CCDC73: variants seen among roughly 807,000 people sequenced by gnomAD.
CCDC73 encodes the protein coiled-coil domain containing 73.
CCDC73 carries 95 observed loss-of-function variants against 116.5 expected under a neutral mutation model. That is an observed-to-expected ratio of 0.82 (90% CI 0.69 to 0.97). The LOEUF is 0.97. Ranked by LOEUF, CCDC73 falls within the 50% of genes least tolerant of loss-of-function variation. The pLI, the probability that CCDC73 is intolerant of heterozygous loss-of-function variation, is 0.00. For synonymous variants in CCDC73, 398 were observed against 401.3 expected (o/e 0.99, Z 0.10); for missense variants, 1,066 against 1,206.8 (o/e 0.88, Z 1.73).
At chr11:32,658,957 A>G (rs1366232101) in intron 9 of CCDC73, among the ~76,000 whole-genome samples, 1 of 152,208 alleles carries the variant, frequency 6.6e-6, no homozygotes, top group Non-Finnish European at 1.5e-5. Context: ...CACTGATGGA[A>G]GAGACAAAAA....
chr11:32,609,614 G>C (rs1235379201), intron 17 of CCDC73, among the ~76,000 whole-genome samples: 1 of 152,012 alleles, frequency 6.6e-6, no homozygotes, highest in African/African-American at 2.4e-5. Flanking sequence ...CCACATTTTC[G>C]GGTATCTTTT....
rs531579536 is a variant in CCDC73 at position 32,675,517 on chromosome 11, TTTATA to T, written c.645+43_645+47del. 257 of 1,209,740 alleles carry T rather than the reference TTTATA, an allele frequency of 2.1e-4. No homozygotes were observed. In the East Asian group the frequency reaches 4.7e-3, roughly 22 times the overall value. 74.9% of individuals were successfully genotyped at this position (1,209,740 alleles called of 1,614,324 possible). On this transcript the variant is annotated intron_variant, in intron 9 of 17. Transcript: ENST00000335185. Reference sequence around the variant, plus strand: ...CTCTAGTAATAGCGCATAAGACTATTTTATATTATAATTTTTACTTAGTAGTGTGA... The same window carrying T: ...CTCTAGTAATAGCGCATAAGACTATTTTATAATTTTTACTTAGTAGTGTGA...
At chr11:32,696,663 T>C (rs2133309803) in intron 6 of CCDC73, among the ~76,000 whole-genome samples, 1 of 152,192 alleles carries the variant, frequency 6.6e-6, no homozygotes, top group East Asian at 1.9e-4. Flanking sequence ...CTTGAACTCC[T>C]GGGCTCAAGC....
chr11:32,776,799 C>CAT (rs887619859), intron 1 of CCDC73, among the ~76,000 whole-genome samples: 12 of 150,956 alleles, frequency 7.9e-5, no homozygotes, highest in Non-Finnish European at 1.2e-4. Context: ...AACTCCACAG[C>CAT]ATATATATAT....
At chr11:32,714,347 A>G (rs1849926000) in intron 3 of CCDC73, among the ~76,000 whole-genome samples, 1 of 152,072 alleles carries the variant, frequency 6.6e-6, no homozygotes, top group Admixed American at 6.6e-5. Flanking sequence ...TTCTCCCCTG[A>G]TTTTGGACAT....
chr11:32,608,852 T>G (rs745771072), intron 17 of CCDC73, among the ~76,000 whole-genome samples: 21 of 152,148 alleles, frequency 1.4e-4, no homozygotes, highest in Non-Finnish European at 2.8e-4. Context: ...CAACACCACA[T>G]GGAAGCTGCC....
At chr11:32,723,863 T>A (rs1850010202) in intron 2 of CCDC73, among the ~76,000 whole-genome samples, 1 of 152,114 alleles carries the variant, frequency 6.6e-6, no homozygotes, top group African/African-American at 2.4e-5. Flanking sequence ...TTTTTCTCAT[T>A]GACATTTAAT....
intron 2 of CCDC73, among the ~76,000 whole-genome samples, chr11:32,742,119 A>G (rs1327815858): frequency 6.6e-6 from 1 of 152,134 alleles, no homozygotes; most frequent in Non-Finnish European, 1.5e-5. Context: ...CAATAAACAT[A>G]CGTGTGCATG....
intron 1 of CCDC73, among the ~76,000 whole-genome samples, chr11:32,774,317 TAAGTCAGTCAC>T (rs1850514190): frequency 6.6e-6 from 1 of 152,216 alleles, no homozygotes; most frequent in Admixed American, 6.5e-5. Context: ...TCTGAACTTT[TAAGTCAGTCAC>T]AATGCTCCTC....
chr11:32,777,797 C>T (rs185091077), intron 1 of CCDC73, among the ~76,000 whole-genome samples: 244 of 152,124 alleles, frequency 1.6e-3, no homozygotes, highest in Middle Eastern at 0.014. Context: ...AAGAAGTTTG[C>T]TACATTTGTA....
At chr11:32,759,599 A>C (rs569602620) in intron 2 of CCDC73, among the ~76,000 whole-genome samples, 37 of 152,252 alleles carry the variant, frequency 2.4e-4, no homozygotes, top group Admixed American at 8.5e-4. Context: ...TTACAATTTT[A>C]TACTAGACAT....
Position 32,757,285 on chromosome 11 carries a change from T to G in CCDC73, c.135+2824A>C, listed in dbSNP as rs1407962164. On this transcript the variant is annotated intron_variant, in intron 2 of 17. Transcript: ENST00000335185. ...AATTAGAACAGGGGCTGCCTCTGGA[T>G]GAAAAGGGGTGAAGAATTTTATTCT... Among the ~76,000 whole-genome samples the G allele has an allele frequency of 1.3e-4, 19 of 151,968 alleles. 1 individual carries two copies. The highest frequency in any genetic ancestry group is 4.4e-5 in the Non-Finnish European group (3 of 67,992).
intron 13 of CCDC73, among the ~76,000 whole-genome samples, chr11:32,637,016 TC>T (rs372712298): frequency 0.04 from 3,668 of 91,408 alleles, 125 homozygotes; most frequent in Non-Finnish European, 0.06. Flanking sequence ...TTTTTCTTTT[TC>T]TTTTTTTTTT....
At chr11:32,753,163 TC>T (rs1365979121) in intron 2 of CCDC73, among the ~76,000 whole-genome samples, 1 of 152,178 alleles carries the variant, frequency 6.6e-6, no homozygotes, top group Admixed American at 6.5e-5. Flanking sequence ...GAGCTAAGAA[TC>T]TAGTCATCAT....
the CCDC73 span, among the ~76,000 whole-genome samples, chr11:32,807,796 G>A: frequency 1.3e-5 from 2 of 152,208 alleles, no homozygotes; most frequent in South Asian, 4.1e-4. Context: ...GTAGCCACAG[G>A]TACTATGTAA....
chr11:32,677,500 G>C (rs1372517732), intron 7 of CCDC73, among the ~76,000 whole-genome samples: 1 of 152,058 alleles, frequency 6.6e-6, no homozygotes, highest in Non-Finnish European at 1.5e-5. Flanking sequence ...ACTGATATGA[G>C]ACCTCTGTTG....
chr11:32,815,783 C>T, the CCDC73 span, among the ~76,000 whole-genome samples: 2 of 152,278 alleles, frequency 1.3e-5, no homozygotes, highest in African/African-American at 4.8e-5. Context: ...TTCTAAGGAA[C>T]ATTTTTTCCA....
At chr11:32,801,587 G>A in the CCDC73 span, among the ~76,000 whole-genome samples, 1 of 151,530 alleles carries the variant, frequency 6.6e-6, no homozygotes, top group African/African-American at 2.4e-5. Flanking sequence ...GTTGTGGTGA[G>A]CGGCAATCGC....
chr11:32,785,079 T>A (rs1047548645), intron 1 of CCDC73, among the ~76,000 whole-genome samples: 3 of 151,816 alleles, frequency 2.0e-5, no homozygotes, highest in Admixed American at 2.0e-4. Context: ...GGCAGGAGAA[T>A]CACTTGAACC....
Sources: gnomAD v4.1 joint callset for allele counts (sites outside exome capture counted in the v4.1 genomes callset) on GRCh38, gnomAD v4.1.1 for gene constraint, MANE v1.5 for transcripts, NCBI Gene and HGNC (gene_info 2026-07-23, HGNC 2026-07-21) for gene names.